The following PPCDC variants were observed in gnomAD, a reference collection of about 807,000 sequenced individuals.
The protein encoded by PPCDC is phosphopantothenoylcysteine decarboxylase.
A neutral mutation model predicts 20.7 loss-of-function variants in PPCDC; 20 were observed. The observed-to-expected ratio is 0.97, with a 90% CI of 0.68 to 1.41. The LOEUF (loss-of-function observed/expected upper bound fraction) is 1.41, where lower values mean the gene tolerates loss of function less well. Ranked by LOEUF, PPCDC falls within the 40% of genes most tolerant of loss-of-function variation. The pLI is 0.00. For synonymous variants in PPCDC, 88 were observed against 100.3 expected (o/e 0.88, Z 0.73); for missense variants, 246 against 263.8 (o/e 0.93, Z 0.47).
In PPCDC at chr15:75,050,593, C is replaced by T. The variant is rs1037084100; in HGVS notation, c.*1358C>T. On this transcript the variant is annotated 3_prime_UTR_variant, in exon 6 of 6. Transcript: ENST00000342932. The stretch of plus-strand genomic sequence containing the variant: ...GAGAGTAGAGGTGCCTTGAGGGGAC[C>T]AGGAAGCCTACTGGCTGGAATCAGT... 1 of 152,224 alleles carries T rather than the reference C, an allele frequency of 6.6e-6. No individual in the cohort carries two copies. Among genetic ancestry groups the T allele is most frequent in the Admixed American group, 6.5e-5 (1 of 15,276 alleles). 9.4% of individuals were successfully genotyped at this position (152,224 alleles called of 1,614,324 possible). A position where few individuals can be genotyped will look rare whatever the true frequency, so the allele number is the denominator to read the frequency against.
chr15:75,027,624 A>G (rs1208048742), intron 1 of PPCDC, among the ~76,000 whole-genome samples: 1 of 152,098 alleles, frequency 6.6e-6, no homozygotes, highest in Non-Finnish European at 1.5e-5. Flanking sequence ...TCCTTTCACC[A>G]GTCAGCCCAG....
intron 2 of PPCDC, among the ~76,000 whole-genome samples, chr15:75,034,083 C>G (rs1036283028): frequency 1.3e-5 from 2 of 152,212 alleles, no homozygotes; most frequent in Middle Eastern, 3.4e-3. Flanking sequence ...CTAGATGGAG[C>G]CCTACCATGT....
rs1933202452 is a variant in PPCDC at position 75,050,493 on chromosome 15, G to A, written c.*1258G>A. 6.6e-6 allele frequency: 1 copy of A among 152,390 alleles called. No individual in the cohort carries two copies. Among genetic ancestry groups the A allele is most frequent in the African/African-American group, 2.4e-5 (1 of 41,456 alleles). 9.4% of individuals were successfully genotyped at this position (152,390 alleles called of 1,614,324 possible). ...GGCTTGTCTGCGTATTTGGAGCTGA[G>A]GCTGAGGCTGGCTTCCTGCCCTCTG... On this transcript the variant is annotated 3_prime_UTR_variant, in exon 6 of 6. Transcript: ENST00000342932.
At chr15:75,041,628 T>C (rs539556442) in intron 2 of PPCDC, among the ~76,000 whole-genome samples, 3 of 150,472 alleles carry the variant, frequency 2.0e-5, no homozygotes, top group African/African-American at 7.5e-5. Flanking sequence ...TAAGACTCTG[T>C]AAATAAATAA....
chr15:75,032,726 C>G lies in PPCDC; in HGVS notation c.135+4273C>G, dbSNP rs938118033. On this transcript the variant is annotated intron_variant, in intron 2 of 5. Coordinates refer to ENST00000342932, the MANE Select transcript of PPCDC (RefSeq NM_021823.5). ...GGGTGTAGGAGCTAGCAAACTGGACCCCCCCCCCCAAGGCCAAATTCGGCT... is the reference window on the plus strand; with the variant it reads ...GGGTGTAGGAGCTAGCAAACTGGACGCCCCCCCCCAAGGCCAAATTCGGCT... Among the ~76,000 whole-genome samples the G allele has an allele frequency of 4.2e-5, 5 of 117,752 alleles. 1 individual carries two copies. Among genetic ancestry groups the G allele is most frequent in the African/African-American group, 1.7e-4 (5 of 29,316 alleles). The allele number at this position is 117,752 out of a possible 152,430, so 77.2% of individuals were successfully genotyped here.
intron 1 of PPCDC, among the ~76,000 whole-genome samples, chr15:75,025,245 G>A (rs138333023): frequency 1.5e-4 from 23 of 152,292 alleles, no homozygotes; most frequent in African/African-American, 5.3e-4. Context: ...TTTGATGTTA[G>A]GCTAAAGGAT....
intron 4 of PPCDC, among the ~76,000 whole-genome samples, chr15:75,046,330 G>A (rs1366824569): frequency 6.6e-6 from 1 of 152,272 alleles, no homozygotes; most frequent in Non-Finnish European, 1.5e-5. Context: ...GTTGTGTGTG[G>A]CCAGCACCAT....
chr15:75,042,916 A>T (rs2066170615), intron 2 of PPCDC, among the ~76,000 whole-genome samples: 1 of 152,176 alleles, frequency 6.6e-6, no homozygotes, highest in Non-Finnish European at 1.5e-5. Flanking sequence ...TTGTTCCTAG[A>T]AGTACGTGAA....
rs568400873 is a variant in PPCDC at position 75,046,827 on chromosome 15, T to C, written c.361-1726T>C. On this transcript the variant is annotated intron_variant, in intron 4 of 5. Transcript: ENST00000342932. ...CGTGCTCCTGGCCTCCAGGCCCGTG[T>C]CCCTCTGTCCTCTAGCCCACTAAGG... 4.6e-5 allele frequency among the ~76,000 whole-genome samples: 7 copies of C among 152,386 alleles called. No individual in the cohort carries two copies. In the South Asian group the frequency reaches 1.4e-3, roughly 32 times the overall value.
intron 2 of PPCDC, among the ~76,000 whole-genome samples, chr15:75,036,996 C>A (rs1435711135): frequency 6.6e-6 from 1 of 152,072 alleles, no homozygotes; most frequent in Non-Finnish European, 1.5e-5. Context: ...ATTCTGAAGG[C>A]CAGCACTAGG....
intron 1 of PPCDC, among the ~76,000 whole-genome samples, chr15:75,024,271 C>G (rs1196439087): frequency 1.3e-5 from 2 of 152,122 alleles, no homozygotes; most frequent in African/African-American, 4.8e-5. Flanking sequence ...AATTCGCAGT[C>G]ACTGCCTTTC....
chr15:75,028,120 C>G (rs2065978602), intron 1 of PPCDC, 127 bp from the exon 2 acceptor site: 6 of 631,452 alleles, frequency 9.5e-6, no homozygotes, highest in Non-Finnish European at 1.6e-5. Flanking sequence ...AAACTGTGTG[C>G]TCCCTGAAGC....
chr15:75,044,501 G>T lies in PPCDC; in HGVS notation c.347G>T (p.Cys116Phe). ...CTGGGGAAGGTGGCCAGTGGCATCT[G>T]TGACAACTTGCTTGTGAGTGATGTC... is the stretch of plus-strand genomic sequence containing the variant. ...NTLGKVASGI[C>F]DNLLTCVMRA... is the part of the protein sequence containing the mutation. Residue 116 changes from cysteine to phenylalanine, a missense_variant, in exon 4 of 6, where the codon TGT (cysteine) becomes TTT (phenylalanine). Physicochemically the swap from Cys to Phe is radical, Grantham distance 205. Coordinates refer to ENST00000342932, the MANE Select transcript of PPCDC (RefSeq NM_021823.5). 4.3e-6 allele frequency: 7 copies of T among 1,614,036 alleles called. No homozygotes were observed. Among genetic ancestry groups the T allele is most frequent in the Non-Finnish European group, 5.9e-6 (7 of 1,179,920 alleles).
At chr15:75,043,605 C>T (rs536546184) in intron 3 of PPCDC, 69 bp downstream of exon 3, 25 of 1,346,396 alleles carry the variant, frequency 1.9e-5, no homozygotes, top group African/African-American at 1.5e-4. Flanking sequence ...GTCCTCCCTA[C>T]GGCCTATGGT....
At position 75,039,717 on chromosome 15, in the gene PPCDC, C is replaced by T. The variant is rs545324250; in HGVS notation, c.136-3724C>T. 1.1e-4 allele frequency among the ~76,000 whole-genome samples: 16 copies of T among 152,200 alleles called. No individual in the cohort carries two copies. The South Asian group carries it at 3.3e-3, about 32-fold the overall frequency. On this transcript the variant is annotated intron_variant, in intron 2 of 5. Coordinates refer to ENST00000342932, the MANE Select transcript of PPCDC (RefSeq NM_021823.5). ...CTTTCGCTTCCATCTTCTGAAAGCG[C>T]ATTGGCACGTCTTAACTGCTGTTGG... is the stretch of plus-strand genomic sequence containing the variant.
chr15:75,029,761 C>A (rs951589974), intron 2 of PPCDC, among the ~76,000 whole-genome samples: 1 of 152,204 alleles, frequency 6.6e-6, no homozygotes, highest in Non-Finnish European at 1.5e-5. Flanking sequence ...CAGCTAGAGC[C>A]GTGAGGGTGG....
In PPCDC at chr15:75,050,352, C is replaced by T. The variant is rs1227581185; in HGVS notation, c.*1117C>T. 1.3e-5 allele frequency: 2 copies of T among 152,370 alleles called. No homozygotes were observed. Among genetic ancestry groups the T allele is most frequent in the African/African-American group, 2.4e-5 (1 of 41,462 alleles). The allele number at this position is 152,370 out of a possible 1,614,324, so 9.4% of individuals were successfully genotyped here. On this transcript the variant is annotated 3_prime_UTR_variant, in exon 6 of 6. Coordinates refer to ENST00000342932, the MANE Select transcript of PPCDC (RefSeq NM_021823.5). ...GCCTGGGTGTCTGTGCCTCCCTACC[C>T]CCCAGTACACATGACCAAGGGAAGT...
intron 2 of PPCDC, among the ~76,000 whole-genome samples, chr15:75,034,602 C>T (rs1481521297): frequency 1.3e-5 from 2 of 152,200 alleles, no homozygotes; most frequent in African/African-American, 4.8e-5. Context: ...CCCACCAACT[C>T]CCCTGCTCAG....
At chr15:75,034,685 A>T (rs561307671) in intron 2 of PPCDC, among the ~76,000 whole-genome samples, 43 of 152,344 alleles carry the variant, frequency 2.8e-4, no homozygotes, top group African/African-American at 8.7e-4. Flanking sequence ...CAACACTGGT[A>T]GACCCAATGT....
Sources: gnomAD v4.1 joint callset for allele counts (sites outside exome capture counted in the v4.1 genomes callset) on GRCh38, gnomAD v4.1.1 for gene constraint, MANE v1.5 for transcripts, NCBI Gene and HGNC (gene_info 2026-07-23, HGNC 2026-07-21) for gene names.